ZBTB40: variants seen among roughly 807,000 people sequenced by gnomAD.
ZBTB40 encodes zinc finger and BTB domain containing 40, also known as zinc finger and BTB domain-containing protein 40.
Under a neutral mutation model 117.5 loss-of-function variants are expected in ZBTB40, and 60 were observed. That is an observed-to-expected ratio of 0.51 (90% confidence interval 0.41 to 0.63). The LOEUF is 0.63. Among genes scored for constraint, ZBTB40 ranks in the 30% least tolerant of loss-of-function variants. The pLI is 0.00. For synonymous variants in ZBTB40, 525 were observed against 577.1 expected (o/e 0.91, Z 1.29); for missense variants, 1,287 against 1,498.5 (o/e 0.86, Z 2.33).
chr1:22,498,723 G>A (rs1638846282), intron 3 of ZBTB40, among the ~76,000 whole-genome samples: 1 of 151,568 alleles, frequency 6.6e-6, no homozygotes, highest in Non-Finnish European at 1.5e-5. Context: ...TGGCTCAAAT[G>A]ATAATGCCAG....
intron 1 of ZBTB40, among the ~76,000 whole-genome samples, chr1:22,476,088 T>C (rs1641543025): frequency 6.6e-6 from 1 of 152,222 alleles, no homozygotes; most frequent in South Asian, 2.1e-4. Flanking sequence ...GCAACGTAGA[T>C]TGAGACTGTA....
chr1:22,436,722 G>A (rs1640675252), intron 1 of ZBTB40, among the ~76,000 whole-genome samples: 1 of 152,070 alleles, frequency 6.6e-6, no homozygotes, highest in Non-Finnish European at 1.5e-5. Context: ...TGCTGAGTGA[G>A]AGAAGCCAGG....
chr1:22,523,720 G>A (rs928366192), intron 16 of ZBTB40, among the ~76,000 whole-genome samples: 6 of 152,166 alleles, frequency 3.9e-5, no homozygotes, highest in Admixed American at 3.3e-4. Flanking sequence ...TCCTGTCTTA[G>A]GGAGTTTCTT....
chr1:22,481,035 A>G (rs755547279), intron 1 of ZBTB40, among the ~76,000 whole-genome samples: 7 of 152,282 alleles, frequency 4.6e-5, no homozygotes, highest in Non-Finnish European at 8.8e-5. Context: ...GGGCCTGTAC[A>G]GGAGTTTGAA....
At chr1:22,459,183 T>C (rs1045847961) in intron 1 of ZBTB40, among the ~76,000 whole-genome samples, 18 of 152,232 alleles carry the variant, frequency 1.2e-4, no homozygotes, top group African/African-American at 4.3e-4. Flanking sequence ...GTTTTATTTC[T>C]ATCCAAGTTT....
rs1639685454 is a variant in ZBTB40 at position 22,526,604 on chromosome 1, C to T, written c.*208C>T. 5 of 620,208 alleles carry T rather than the reference C, an allele frequency of 8.1e-6. No homozygotes were observed. The South Asian group carries it at 8.9e-5, about 11-fold the overall frequency. 38.4% of individuals were successfully genotyped at this position (620,208 alleles called of 1,614,324 possible). On this transcript the variant is annotated 3_prime_UTR_variant, in exon 18 of 18. Coordinates refer to ENST00000375647, the MANE Select transcript of ZBTB40 (RefSeq NM_014870.4). ...GAGCCCTCAACACCAACAGCACCAT[C>T]CTCTGTAGCAGACAGGCCTCCCTCC...
rs3754010 is a variant in ZBTB40 at position 22,510,006 on chromosome 1, A to G, written c.1833+773A>G. On this transcript the variant is annotated intron_variant, in intron 9 of 17. Transcript: ENST00000375647. ...GCTTCTAGAAAGAGCCAAGATAAACATAGATAAAACAAAGCTTTTGCCCAT... is the reference window on the plus strand; with the variant it reads ...GCTTCTAGAAAGAGCCAAGATAAACGTAGATAAAACAAAGCTTTTGCCCAT... 1.9e-3 allele frequency among the ~76,000 whole-genome samples: 286 copies of G among 152,226 alleles called. 1 individual carries two copies. Among genetic ancestry groups the G allele is most frequent in the Admixed American group, 5.2e-3 (79 of 15,306 alleles).
chr1:22,489,090 T>A (rs1421187777), intron 1 of ZBTB40, among the ~76,000 whole-genome samples: 1 of 152,190 alleles, frequency 6.6e-6, no homozygotes, highest in East Asian at 1.9e-4. Context: ...GTTTTGGATA[T>A]GTTACGTTTC....
At position 22,525,959 on chromosome 1, in the gene ZBTB40, G is replaced by A. The variant is rs142716728; in HGVS notation, c.3526-243G>A. On this transcript the variant is annotated intron_variant, in intron 17 of 17. Transcript: ENST00000375647. ...TGGTGTATAATCATAGAGTCCGGGC[G>A]CCCCGAGATGGCGTACTGAGCAAAA... is the stretch of plus-strand genomic sequence containing the variant. Among the ~76,000 whole-genome samples the A allele has an allele frequency of 3.9e-4, 59 of 152,124 alleles. No homozygotes were observed. In the East Asian group the frequency reaches 8.9e-3, roughly 23 times the overall value.
chr1:22,443,323 CAG>C, intron 1 of ZBTB40, among the ~76,000 whole-genome samples: 1 of 152,090 alleles, frequency 6.6e-6, no homozygotes, highest in East Asian at 1.9e-4. Flanking sequence ...TTTAGGGAGA[CAG>C]AAGCCACAGG....
intron 14 of ZBTB40, 94 bp downstream of exon 14, chr1:22,520,369 A>G (rs1285691223): frequency 1.3e-5 from 13 of 967,690 alleles, no homozygotes; most frequent in Non-Finnish European, 1.8e-5. Flanking sequence ...CTTGCAGATC[A>G]TATCTTGTAT....
chr1:22,471,705 C>A (rs929387160), intron 1 of ZBTB40, among the ~76,000 whole-genome samples: 16 of 152,304 alleles, frequency 1.1e-4, no homozygotes, highest in African/African-American at 3.6e-4. Context: ...TTTTAATCAC[C>A]TCCTATTCAC....
Position 22,452,255 on chromosome 1 carries a change from G to A in ZBTB40, c.-70+251G>A, listed in dbSNP as rs541164958. On this transcript the variant is annotated intron_variant, in intron 1 of 17. Coordinates refer to ENST00000375647, the MANE Select transcript of ZBTB40 (RefSeq NM_014870.4). ...GGGACCCACTCAGGGCGCCAGGCCC[G>A]ACCTGACACCGCCTGGGGCTCGCTG... Among the ~76,000 whole-genome samples the A allele has an allele frequency of 1.2e-3, 179 of 152,268 alleles. 1 individual carries two copies. Among genetic ancestry groups the A allele is most frequent in the African/African-American group, 4.1e-3 (169 of 41,574 alleles).
chr1:22,449,240 G>A (rs916380739), upstream of ZBTB40, among the ~76,000 whole-genome samples: 5 of 152,136 alleles, frequency 3.3e-5, no homozygotes, highest in Non-Finnish European at 7.4e-5. Context: ...ACTGGGTGGT[G>A]GCATGGGAAC....
chr1:22,502,585 A>G, intron 5 of ZBTB40, 144 bp downstream of exon 5: 1 of 1,176,660 alleles, frequency 8.5e-7, no homozygotes, highest in South Asian at 1.3e-5. Flanking sequence ...TGCTTGTTTC[A>G]TATCCTGTTG....
At chr1:22,502,204 T>C (rs1463582317) in intron 4 of ZBTB40, 95 bp from the exon 5 acceptor site, 7 of 1,441,924 alleles carry the variant, frequency 4.9e-6, no homozygotes, top group Non-Finnish European at 5.7e-6. Flanking sequence ...GAAAATCACT[T>C]TACTATTCTG....
chr1:22,450,445 C>T (rs1423972258), upstream of ZBTB40, among the ~76,000 whole-genome samples: 1 of 152,122 alleles, frequency 6.6e-6, no homozygotes, highest in Admixed American at 6.5e-5. Flanking sequence ...ACAGTAAATC[C>T]GACCCTGAAT....
intron 1 of ZBTB40, among the ~76,000 whole-genome samples, chr1:22,438,684 G>A (rs1279541806): frequency 5.3e-5 from 8 of 152,104 alleles, no homozygotes; most frequent in Non-Finnish European, 1.2e-4. Flanking sequence ...ACACTTACTA[G>A]TTTCTGGTTT....
intron 1 of ZBTB40, among the ~76,000 whole-genome samples, chr1:22,474,687 A>T (rs1309148792): frequency 6.6e-6 from 1 of 152,180 alleles, no homozygotes; most frequent in Non-Finnish European, 1.5e-5. Flanking sequence ...CATGAGGTTA[A>T]AACAGACTAG....
Sources: allele counts gnomAD v4.1 joint callset (sites outside exome capture counted in the v4.1 genomes callset), GRCh38; gene constraint gnomAD v4.1.1; transcripts MANE v1.5; gene names NCBI Gene and HGNC (gene_info 2026-07-23, HGNC 2026-07-21).